Variants in ADGRV1 observed in about 807,000 individuals in gnomAD.
ADGRV1 encodes adhesion G protein-coupled receptor V1, also known as G-protein coupled receptor 98.
Under a neutral mutation model 596.2 loss-of-function variants are expected in ADGRV1, and 359 were observed. The observed-to-expected ratio is 0.60, with a 90% CI of 0.55 to 0.66. The LOEUF is 0.66. ADGRV1 is among the 30% of genes least tolerant of loss of function. The pLI, the probability that ADGRV1 is intolerant of heterozygous loss-of-function variation, is 0.00. For missense variants in ADGRV1, 7,274 were observed against 7,575.6 expected (o/e 0.96, Z 1.48); for synonymous variants, 2,681 against 2,679.2 (o/e 1.00, Z -0.02).
Position 90,594,170 on chromosome 5 carries a change from C to G in ADGRV1, c.23-20665C>G, listed in dbSNP as rs367666419. Among the ~76,000 whole-genome samples the G allele has an allele frequency of 1.2e-4, 18 of 152,224 alleles. 1 individual carries two copies. The East Asian group carries it at 3.3e-3, about 28-fold the overall frequency. On this transcript the variant is annotated intron_variant, in intron 1 of 89. Transcript: ENST00000405460. Reference sequence around the variant, plus strand: ...TATGACACACTTTGTTATGGTGTGGCTGTGTCCCCATCCAAATCTCATCTT... The same window carrying G: ...TATGACACACTTTGTTATGGTGTGGGTGTGTCCCCATCCAAATCTCATCTT...
chr5:91,089,431 A>T (rs1428380248), intron 86 of ADGRV1, among the ~76,000 whole-genome samples: 1 of 152,074 alleles, frequency 6.6e-6, no homozygotes, highest in African/African-American at 2.4e-5. Flanking sequence ...GAAGTAAAAA[A>T]AAAATCAAAT....
At chr5:90,998,964 G>C (rs1176654363) in intron 85 of ADGRV1, among the ~76,000 whole-genome samples, 1 of 152,054 alleles carries the variant, frequency 6.6e-6, no homozygotes, top group Non-Finnish European at 1.5e-5. Context: ...ATACAACCCT[G>C]TGAGTTTGAA....
At chr5:91,042,064 ATTGAT>A (rs1234803088) in intron 85 of ADGRV1, among the ~76,000 whole-genome samples, 1 of 152,146 alleles carries the variant, frequency 6.6e-6, no homozygotes, top group Non-Finnish European at 1.5e-5. Flanking sequence ...TCTTAGTTTT[ATTGAT>A]TTACTGTGAT....
intron 78 of ADGRV1, among the ~76,000 whole-genome samples, chr5:90,846,881 C>T (rs1765936712): frequency 6.6e-6 from 1 of 152,088 alleles, no homozygotes. Context: ...GCTGATTGGT[C>T]CATTTTGACA....
intron 21 of ADGRV1, among the ~76,000 whole-genome samples, chr5:90,671,361 C>T (rs1283014216): frequency 2.0e-5 from 3 of 152,200 alleles, no homozygotes; most frequent in African/African-American, 7.2e-5. Flanking sequence ...TAGGAGACAA[C>T]TGAGGGCCCC....
intron 61 of ADGRV1, among the ~76,000 whole-genome samples, 176 bp downstream of exon 61, chr5:90,776,752 C>T (rs907607374): frequency 1.3e-5 from 2 of 152,092 alleles, no homozygotes; most frequent in African/African-American, 4.8e-5. Flanking sequence ...GGAATAATAT[C>T]CTGACCTATC....
intron 83 of ADGRV1, among the ~76,000 whole-genome samples, chr5:90,947,367 A>G (rs1235569055): frequency 6.6e-6 from 1 of 151,644 alleles, no homozygotes; most frequent in Non-Finnish European, 1.5e-5. Flanking sequence ...AATTCCTTGT[A>G]TATTCTGGAT....
chr5:90,749,976 A>G lies in ADGRV1; in HGVS notation c.10975-575A>G, dbSNP rs373292775. On this transcript the variant is annotated intron_variant, in intron 52 of 89. Coordinates refer to ENST00000405460, the MANE Select transcript of ADGRV1 (RefSeq NM_032119.4). ...CATCAAAGGAGGCAGAAGAGCCCAC[A>G]GAAACATTTCCGAGGATATGAATTT... Among the ~76,000 whole-genome samples the G allele has an allele frequency of 1.1e-4, 16 of 152,376 alleles. 1 individual carries two copies. In the East Asian group the frequency reaches 2.5e-3, roughly 24 times the overall value.
At chr5:90,982,154 A>G (rs947350394) in intron 84 of ADGRV1, among the ~76,000 whole-genome samples, 6 of 152,210 alleles carry the variant, frequency 3.9e-5, no homozygotes, top group African/African-American at 1.4e-4. Flanking sequence ...AGGTATGTAT[A>G]GGTCACACTT....
chr5:90,766,832 T>C (rs918669633), intron 59 of ADGRV1, among the ~76,000 whole-genome samples: 5 of 152,296 alleles, frequency 3.3e-5, no homozygotes, highest in African/African-American at 1.2e-4. Flanking sequence ...ACCAACCCAC[T>C]GTAGGATGCG....
chr5:90,675,765 G>C (rs1773162183), intron 24 of ADGRV1, among the ~76,000 whole-genome samples: 1 of 151,398 alleles, frequency 6.6e-6, no homozygotes. Context: ...TCCAGCCTTG[G>C]TGACATTGTG....
At chr5:90,565,714 A>G (rs1755552640) in intron 1 of ADGRV1, among the ~76,000 whole-genome samples, 1 of 152,128 alleles carries the variant, frequency 6.6e-6, no homozygotes, top group South Asian at 2.1e-4. Flanking sequence ...TAGGAGTGGA[A>G]TTGCTAGGTC....
chr5:90,976,216 GTATA>G (rs150711342), intron 84 of ADGRV1, among the ~76,000 whole-genome samples: 4 of 139,460 alleles, frequency 2.9e-5, no homozygotes, highest in African/African-American at 8.2e-5. Context: ...GTGTGAGTGT[GTATA>G]TATATATATA....
intron 83 of ADGRV1, among the ~76,000 whole-genome samples, chr5:90,931,457 A>G (rs1335863297): frequency 6.6e-6 from 1 of 152,230 alleles, no homozygotes; most frequent in East Asian, 1.9e-4. Flanking sequence ...CTATAAATCA[A>G]ATTCCTTTTC....
intron 86 of ADGRV1, among the ~76,000 whole-genome samples, chr5:91,085,482 A>G (rs1789787098): frequency 6.6e-6 from 1 of 152,212 alleles, no homozygotes; most frequent in African/African-American, 2.4e-5. Flanking sequence ...TGTTTTATAC[A>G]TTCTATCCTC....
chr5:90,603,214 C>T (rs1422974184), intron 1 of ADGRV1, among the ~76,000 whole-genome samples: 1 of 152,162 alleles, frequency 6.6e-6, no homozygotes, highest in African/African-American at 2.4e-5. Flanking sequence ...ACATCAGAAG[C>T]CCCAACATTT....
At chr5:90,731,288 T>TA (rs998705631) in intron 50 of ADGRV1, among the ~76,000 whole-genome samples, 5 of 152,090 alleles carry the variant, frequency 3.3e-5, no homozygotes, top group African/African-American at 1.2e-4. Flanking sequence ...TGCACACTTT[T>TA]AAACAACTGG....
intron 86 of ADGRV1, among the ~76,000 whole-genome samples, chr5:91,097,723 C>T (rs1790998244): frequency 6.6e-6 from 1 of 152,136 alleles, no homozygotes; most frequent in Non-Finnish European, 1.5e-5. Context: ...GCTAAATATG[C>T]TCACCAACAC....
At position 90,788,721 on chromosome 5, in the gene ADGRV1, T is replaced by C. The variant is rs10942610; in HGVS notation, c.13893+411T>C. On this transcript the variant is annotated intron_variant, in intron 68 of 89. Transcript: ENST00000405460. ...GTACTTGTTTAGTTAAGGCAAAAAGTGCTGGGACCAAGACTACTGAAAATA... is the reference window on the plus strand; with the variant it reads ...GTACTTGTTTAGTTAAGGCAAAAAGCGCTGGGACCAAGACTACTGAAAATA... 1.3e-3 allele frequency among the ~76,000 whole-genome samples: 198 copies of C among 152,278 alleles called. 1 individual carries two copies. The highest frequency in any genetic ancestry group is 4.6e-3 in the African/African-American group (191 of 41,568).
Sources: allele counts gnomAD v4.1 joint callset (sites outside exome capture counted in the v4.1 genomes callset), GRCh38; gene constraint gnomAD v4.1.1; transcripts MANE v1.5; gene names NCBI Gene and HGNC (gene_info 2026-07-23, HGNC 2026-07-21).